The following TEX10 variants were observed in gnomAD, a reference collection of about 807,000 sequenced individuals.
TEX10 encodes testis-expressed protein 10.
Under a neutral mutation model 104.4 loss-of-function variants are expected in TEX10, and 24 were observed. The observed-to-expected ratio is 0.23, with a 90% confidence interval of 0.17 to 0.32. The LOEUF is 0.32. Among genes scored for constraint, TEX10 ranks in the 10% least tolerant of loss-of-function variants. TEX10 has a pLI of 1.00. For synonymous variants in TEX10, 396 were observed against 393.4 expected (o/e 1.01, Z -0.08); for missense variants, 921 against 1,083.9 (o/e 0.85, Z 2.11).
chr9:100,348,048 T>TCA (rs2118938053), intron 2 of TEX10, among the ~76,000 whole-genome samples: 2 of 152,300 alleles, frequency 1.3e-5, no homozygotes, highest in South Asian at 4.1e-4. Flanking sequence ...TGTGACCTAA[T>TCA]CATGCAATGA....
At chr9:100,313,317 C>A (rs908939167) in intron 11 of TEX10, among the ~76,000 whole-genome samples, 14 of 151,944 alleles carry the variant, frequency 9.2e-5, no homozygotes, top group African/African-American at 3.1e-4. Flanking sequence ...AAGTTCAAGA[C>A]CAGCCTGGTC....
intron 11 of TEX10, among the ~76,000 whole-genome samples, 168 bp from the exon 12 acceptor site, chr9:100,310,547 C>T (rs777961733): frequency 5.9e-5 from 9 of 152,158 alleles, no homozygotes; most frequent in Non-Finnish European, 1.0e-4. Flanking sequence ...AAGCAATCCT[C>T]TGGCCTCAGC....
intron 10 of TEX10, among the ~76,000 whole-genome samples, chr9:100,321,407 A>G (rs1402154381): frequency 1.3e-5 from 2 of 152,204 alleles, no homozygotes; most frequent in Admixed American, 6.5e-5. Flanking sequence ...TAAAAATACA[A>G]TAACATGACA....
chr9:100,322,594 A>G (rs922684159), intron 9 of TEX10, among the ~76,000 whole-genome samples: 2 of 152,066 alleles, frequency 1.3e-5, no homozygotes, highest in Non-Finnish European at 2.9e-5. Flanking sequence ...TTACTGTTAT[A>G]ATAATTGCAT....
At chr9:100,352,574 C>T in intron 1 of TEX10, 198 bp downstream of exon 1, 1 of 1,526,014 alleles carries the variant, frequency 6.6e-7, no homozygotes. Flanking sequence ...TCCGCAAACG[C>T]CCTAGGGGGT....
intron 2 of TEX10, among the ~76,000 whole-genome samples, chr9:100,348,910 A>C (rs1386224075): frequency 2.0e-5 from 3 of 152,112 alleles, no homozygotes; most frequent in African/African-American, 7.2e-5. Flanking sequence ...GACCTGTCTC[A>C]AAATAAATAA....
Position 100,321,666 on chromosome 9 carries a change from C to A in TEX10, c.2068+17G>T, listed in dbSNP as rs1265938796. The A allele has an allele frequency of 1.9e-6, 3 of 1,590,218 alleles. No individual in the cohort carries two copies. Among genetic ancestry groups the A allele is most frequent in the Non-Finnish European group, 2.6e-6 (3 of 1,165,356 alleles). ...TTAGGTTTTTTCTTTTTTAATCTGG[C>A]AAGTGAATGTGGTTACCTGTAAGTG... On this transcript the variant is annotated intron_variant, in intron 10 of 14. Transcript: ENST00000374902.
chr9:100,349,460 C>A, intron 1 of TEX10, 88 bp from the exon 2 acceptor site: 1 of 730,412 alleles, frequency 1.4e-6, no homozygotes, highest in Non-Finnish European at 2.0e-6. Flanking sequence ...ACTACTGTAA[C>A]ATTTATTTCA....
chr9:100,335,305 C>A (rs1445810676), intron 5 of TEX10, among the ~76,000 whole-genome samples: 3 of 152,070 alleles, frequency 2.0e-5, no homozygotes, highest in African/African-American at 7.2e-5. Flanking sequence ...AGGGATCAAG[C>A]AATTTTCCTG....
At position 100,311,429 on chromosome 9, in the gene TEX10, C is replaced by T. The variant is rs189869960; in HGVS notation, c.2203-1050G>A. Among the ~76,000 whole-genome samples, 14 of 152,118 alleles carry T rather than the reference C, an allele frequency of 9.2e-5. 2 individuals carry two copies. In the East Asian group the frequency reaches 2.3e-3, roughly 25 times the overall value. On this transcript the variant is annotated intron_variant, in intron 11 of 14. Coordinates refer to ENST00000374902, the MANE Select transcript of TEX10 (RefSeq NM_017746.4). ...AAATAAGTGTTATTCAAGGACCTGC[C>T]GTGTATGTCATTTCTGTTTCCTAAA...
In TEX10 at chr9:100,349,314, T is replaced by C; in HGVS notation, c.50A>G (p.Lys17Arg). 1 of 1,600,682 alleles carries C rather than the reference T, an allele frequency of 6.2e-7. No homozygotes were observed. The highest frequency in any genetic ancestry group is 1.1e-5 in the South Asian group (1 of 87,056). Residue 17 changes from lysine to arginine, a missense_variant, in exon 2 of 15, where the codon AAA (lysine) becomes AGA (arginine). Lys to Arg is a conservative substitution (Grantham distance 26, BLOSUM62 2). Transcript: ENST00000374902. ...RQHDFQKVKL[K>R]VGKKKPKLQN... Reference sequence around the variant, plus strand: ...TAACTTGGGCTTCTTTTTACCAACTTTCAATTTTACTTTTTGAAAATCATG... The same window carrying C: ...TAACTTGGGCTTCTTTTTACCAACTCTCAATTTTACTTTTTGAAAATCATG...
In TEX10 at chr9:100,321,731, A is replaced by G. The variant is rs754819261; in HGVS notation, c.2020T>C (p.Leu674=). ...CTGAAATAGTCTACATCACTCATCA[A>G]CCAGTCTTTAGCTGAATACTTCCAC... ...SGWKYSAKDW[L]MSDVDYFSFL... Residue 674 remains leucine (L), a synonymous_variant, in exon 10 of 15, where the codon TTG becomes CTG. Coordinates refer to ENST00000374902, the MANE Select transcript of TEX10 (RefSeq NM_017746.4). 4.0e-5 allele frequency: 65 copies of G among 1,612,570 alleles called. No homozygotes were observed. Among genetic ancestry groups the G allele is most frequent in the Non-Finnish European group, 5.4e-5 (64 of 1,179,710 alleles).
Position 100,302,933 on chromosome 9 carries a change from C to CG in TEX10, c.2677-630_2677-629insC, listed in dbSNP as rs201752454. 2.3e-4 allele frequency among the ~76,000 whole-genome samples: 34 copies of CG among 145,784 alleles called. No homozygotes were observed. In the East Asian group the frequency reaches 6.3e-3, roughly 27 times the overall value. On this transcript the variant is annotated intron_variant, in intron 14 of 14. Coordinates refer to ENST00000374902, the MANE Select transcript of TEX10 (RefSeq NM_017746.4). ...TACAAGACACTTTTTTAACCGCCCC[C>CG]CCCCCAAACTAAAATCACCAAAGGA...
chr9:100,320,620 C>A (rs1834544136), intron 10 of TEX10, among the ~76,000 whole-genome samples: 1 of 152,110 alleles, frequency 6.6e-6, no homozygotes, highest in African/African-American at 2.4e-5. Flanking sequence ...CAGACCCAAT[C>A]TATAATATAG....
intron 6 of TEX10, 55 bp from the exon 7 acceptor site, chr9:100,329,330 C>T (rs958452689): frequency 1.3e-5 from 21 of 1,568,470 alleles, no homozygotes; most frequent in Non-Finnish European, 1.8e-5. Flanking sequence ...TTAACAGCCC[C>T]CAAATTCCTC....
At chr9:100,342,119 A>C (rs564483983) in intron 4 of TEX10, among the ~76,000 whole-genome samples, 2 of 152,212 alleles carry the variant, frequency 1.3e-5, no homozygotes, top group South Asian at 4.2e-4. Flanking sequence ...TCTCACCTCA[A>C]AGCCATTGTA....
At chr9:100,315,204 T>C (rs770747188) in intron 11 of TEX10, among the ~76,000 whole-genome samples, 14 of 152,196 alleles carry the variant, frequency 9.2e-5, no homozygotes, top group Non-Finnish European at 1.5e-4. Flanking sequence ...GGTAGTTCTA[T>C]GTGATGATGA....
At chr9:100,311,170 GAGGACTGCTCAAGCCC>G (rs1834271813) in intron 11 of TEX10, among the ~76,000 whole-genome samples, 1 of 152,132 alleles carries the variant, frequency 6.6e-6, no homozygotes. Flanking sequence ...GCCAAGGTGG[GAGGACTGCTCAAGCCC>G]AGGAGTTTGA....
chr9:100,339,364 A>ATT (rs1835112252), intron 5 of TEX10, among the ~76,000 whole-genome samples: 3 of 74,316 alleles, frequency 4.0e-5, no homozygotes, highest in African/African-American at 2.8e-4. Flanking sequence ...TTATATATTT[A>ATT]TATATATTTA....
Sources: gnomAD v4.1 joint callset for allele counts (sites outside exome capture counted in the v4.1 genomes callset) on GRCh38, gnomAD v4.1.1 for gene constraint, MANE v1.5 for transcripts, NCBI Gene and HGNC (gene_info 2026-07-23, HGNC 2026-07-21) for gene names.